DLG2: variants seen among roughly 807,000 people sequenced by gnomAD.
DLG2 encodes disks large homolog 2.
In DLG2, 45 loss-of-function variants were observed where a neutral mutation model predicts 132.5. The observed-to-expected ratio is 0.34, with a 90% CI of 0.27 to 0.44. DLG2 has a LOEUF of 0.44. DLG2 is among the 20% of genes least tolerant of loss of function. DLG2 has a pLI of 1.00. For synonymous variants in DLG2, 424 were observed against 419.6 expected (o/e 1.01, Z -0.13); for missense variants, 1,045 against 1,196.9 (o/e 0.87, Z 1.87).
At chr11:84,895,414 G>A (rs1372821039) in intron 6 of DLG2, among the ~76,000 whole-genome samples, 2 of 151,986 alleles carry the variant, frequency 1.3e-5, no homozygotes, top group Admixed American at 6.6e-5. Flanking sequence ...AAAGACCAAC[G>A]CAAATGACTC....
At chr11:85,040,989 T>C (rs1187206600) in intron 6 of DLG2, among the ~76,000 whole-genome samples, 1 of 151,878 alleles carries the variant, frequency 6.6e-6, no homozygotes, top group Non-Finnish European at 1.5e-5. Context: ...TTCTTAACTA[T>C]TACATTATAT....
At chr11:83,947,904 C>T (rs1268286816) in intron 14 of DLG2, among the ~76,000 whole-genome samples, 1 of 152,156 alleles carries the variant, frequency 6.6e-6, no homozygotes, top group Non-Finnish European at 1.5e-5. Flanking sequence ...TCTATCATCT[C>T]AGGTTCCAAA....
At chr11:85,154,788 A>G (rs2077485202) in intron 4 of DLG2, 137 bp from the exon 5 acceptor site, 2 of 547,592 alleles carry the variant, frequency 3.7e-6, no homozygotes, top group Admixed American at 3.6e-5. Context: ...ATTTTAGCAT[A>G]TGAATGTACT....
intron 7 of DLG2, among the ~76,000 whole-genome samples, chr11:84,452,112 CA>C (rs5793122): frequency 0.46 from 54,886 of 119,916 alleles, 15,025 homozygotes; most frequent in African/African-American, 0.8. Context: ...GAAAGGTTAA[CA>C]AAAAAAAAAA....
rs557638989 is a variant in DLG2 at position 85,086,405 on chromosome 11, T to C, written c.357+25256A>G. On this transcript the variant is annotated intron_variant, in intron 6 of 27. Transcript: ENST00000376104. Reference sequence around the variant, plus strand: ...AATAGTTATAGAAAGTGAAAAAACATAGTTATCTTCAGACACTTGGTATGA... The same window carrying C: ...AATAGTTATAGAAAGTGAAAAAACACAGTTATCTTCAGACACTTGGTATGA... Among the ~76,000 whole-genome samples the C allele has an allele frequency of 7.9e-5, 12 of 152,284 alleles. No homozygotes were observed. In the East Asian group the frequency reaches 1.9e-3, roughly 24 times the overall value.
At chr11:83,630,541 T>A (rs553170869) in intron 19 of DLG2, among the ~76,000 whole-genome samples, 12 of 152,216 alleles carry the variant, frequency 7.9e-5, no homozygotes, top group Non-Finnish European at 1.8e-4. Context: ...GTTTATCCTG[T>A]GCAAAAACCT....
intron 18 of DLG2, among the ~76,000 whole-genome samples, chr11:83,636,953 C>T (rs1237184243): frequency 6.6e-6 from 1 of 152,058 alleles, no homozygotes; most frequent in African/African-American, 2.4e-5. Context: ...TGCTACTTTT[C>T]TTTGAAAACT....
At chr11:84,357,453 T>C (rs528975950) in intron 7 of DLG2, among the ~76,000 whole-genome samples, 16 of 152,108 alleles carry the variant, frequency 1.1e-4, no homozygotes, top group Admixed American at 8.5e-4. Flanking sequence ...CCGCAGCATT[T>C]TCCTCTCCTT....
chr11:83,872,422 T>G (rs1218239622), intron 16 of DLG2, among the ~76,000 whole-genome samples: 1 of 152,206 alleles, frequency 6.6e-6, no homozygotes, highest in Non-Finnish European at 1.5e-5. Context: ...TTATAGGGAA[T>G]AGAATATATT....
intron 3 of DLG2, among the ~76,000 whole-genome samples, chr11:85,440,539 G>C (rs1397441845): frequency 6.6e-6 from 1 of 152,112 alleles, no homozygotes; most frequent in East Asian, 1.9e-4. Context: ...GAGTACAGAA[G>C]CTTTGCACCA....
intron 4 of DLG2, among the ~76,000 whole-genome samples, chr11:85,248,408 T>C (rs1246419367): frequency 4.7e-5 from 7 of 150,264 alleles, no homozygotes; most frequent in Non-Finnish European, 1.0e-4. Flanking sequence ...AAATGACAGA[T>C]TTTTTTTTTA....
At chr11:84,485,663 A>C (rs1316404058) in intron 7 of DLG2, among the ~76,000 whole-genome samples, 1 of 152,180 alleles carries the variant, frequency 6.6e-6, no homozygotes, top group Non-Finnish European at 1.5e-5. Context: ...AACTTGATAA[A>C]GGTTTTGTGA....
intron 7 of DLG2, among the ~76,000 whole-genome samples, chr11:84,424,363 T>G (rs486052): frequency 0.48 from 72,544 of 151,922 alleles, 20,371 homozygotes; most frequent in African/African-American, 0.79. Flanking sequence ...TGACATGAAA[T>G]AGTTGGCCAA....
chr11:84,390,415 T>C (rs980473715), intron 7 of DLG2, among the ~76,000 whole-genome samples: 2 of 152,184 alleles, frequency 1.3e-5, no homozygotes, highest in African/African-American at 4.8e-5. Context: ...TACTGTACTA[T>C]CTTCTTTTAT....
At chr11:84,722,051 C>T (rs1387046609) in intron 6 of DLG2, among the ~76,000 whole-genome samples, 2 of 152,106 alleles carry the variant, frequency 1.3e-5, no homozygotes, top group East Asian at 3.9e-4. Context: ...AATCAATAAA[C>T]CTGAAGGTTA....
rs556083500 is a variant in DLG2, at chr11:83,594,854, G to C, written c.1940+38357C>G. ...TCGTCCCTACTTTAAAGATGGTCCAGATTTTAGGAAGAAATAGAATAGGCT... is the reference window on the plus strand; with the variant it reads ...TCGTCCCTACTTTAAAGATGGTCCACATTTTAGGAAGAAATAGAATAGGCT... On this transcript the variant is annotated intron_variant, in intron 19 of 27. Transcript: ENST00000376104. Among the ~76,000 whole-genome samples, 17 of 152,316 alleles carry C rather than the reference G, an allele frequency of 1.1e-4. No homozygotes were observed. The East Asian group carries it at 3.3e-3, about 29-fold the overall frequency.
At chr11:85,585,022 T>A (rs2078874494) in intron 3 of DLG2, among the ~76,000 whole-genome samples, 1 of 152,200 alleles carries the variant, frequency 6.6e-6, no homozygotes, top group African/African-American at 2.4e-5. Context: ...TCCATCTATT[T>A]ATCTTTGTTT....
intron 9 of DLG2, among the ~76,000 whole-genome samples, chr11:84,146,703 T>C (rs886871114): frequency 6.6e-6 from 1 of 152,152 alleles, no homozygotes; most frequent in African/African-American, 2.4e-5. Flanking sequence ...TCAAGATACA[T>C]TTGTATAAAG....
chr11:83,820,391 A>G (rs1390487565), intron 17 of DLG2, among the ~76,000 whole-genome samples: 2 of 152,222 alleles, frequency 1.3e-5, no homozygotes, highest in Non-Finnish European at 2.9e-5. Context: ...CAAGGTTGCC[A>G]TAAGAATAAA....
Sources: allele counts gnomAD v4.1 joint callset (sites outside exome capture counted in the v4.1 genomes callset), GRCh38; gene constraint gnomAD v4.1.1; transcripts MANE v1.5; gene names NCBI Gene and HGNC (gene_info 2026-07-23, HGNC 2026-07-21).